Variants in LPIN2 observed in about 807,000 individuals in gnomAD.
LPIN2 encodes the protein lipin 2, also known as phosphatidate phosphatase LPIN2.
A neutral mutation model predicts 111.4 loss-of-function variants in LPIN2; 55 were observed. That is an observed-to-expected ratio of 0.49 (90% confidence interval 0.40 to 0.62). LPIN2 has a LOEUF of 0.62. Among genes scored for constraint, LPIN2 ranks in the 20% least tolerant of loss-of-function variants. LPIN2 has a pLI of 0.00. For missense variants in LPIN2, 992 were observed against 1,112.1 expected (o/e 0.89, Z 1.54); for synonymous variants, 425 against 414.0 (o/e 1.03, Z -0.32).
chr18:2,982,803 A>C lies in LPIN2; in HGVS notation c.-9-21954T>G, dbSNP rs1053107531. ...TTAACTAGCATGTCTTTTTTCAGAG[A>C]TGAAGGTATATAATCAAAACAGAAA... is the stretch of plus-strand genomic sequence containing the variant. On this transcript the variant is annotated intron_variant, in intron 1 of 19. Coordinates refer to ENST00000677752, the MANE Select transcript of LPIN2 (RefSeq NM_001375808.2). The C allele has an allele frequency of 4.1e-5, 41 of 1,008,350 alleles. No individual in the cohort carries two copies. The African/African-American group carries it at 6.3e-4, about 16-fold the overall frequency. 62.5% of individuals were successfully genotyped at this position (1,008,350 alleles called of 1,614,324 possible). A position where few individuals can be genotyped will look rare whatever the true frequency, so the allele number is the denominator to read the frequency against.
chr18:3,002,857 A>T (rs532034183), intron 1 of LPIN2, among the ~76,000 whole-genome samples: 2 of 152,326 alleles, frequency 1.3e-5, no homozygotes, highest in South Asian at 4.1e-4. Flanking sequence ...CCTGTCCCTG[A>T]TTCATAAAAC....
At chr18:2,960,174 A>ATGTG (rs59457524) in intron 2 of LPIN2, among the ~76,000 whole-genome samples, 12,366 of 136,468 alleles carry the variant, frequency 0.091, 543 homozygotes, top group East Asian at 0.11. Flanking sequence ...CGACTCAAAA[A>ATGTG]TGTGTGTGTG....
rs1028172087 is a variant in LPIN2, at chr18:2,917,849, A to G, written c.*2444T>C. The G allele has an allele frequency of 6.6e-6, 1 of 152,218 alleles. No homozygotes were observed. The highest frequency in any genetic ancestry group is 1.5e-5 in the Non-Finnish European group (1 of 68,036). 9.4% of individuals were successfully genotyped at this position (152,218 alleles called of 1,614,324 possible). On this transcript the variant is annotated 3_prime_UTR_variant, in exon 20 of 20. Coordinates refer to ENST00000677752, the MANE Select transcript of LPIN2 (RefSeq NM_001375808.2). ...GGAGTAACTGAGAGAATAATGACTT[A>G]GAGCCCAATCTGCCTGCCATCTCCC...
At chr18:3,002,733 C>T (rs916108835) in intron 1 of LPIN2, among the ~76,000 whole-genome samples, 11 of 152,176 alleles carry the variant, frequency 7.2e-5, no homozygotes, top group African/African-American at 2.4e-4. Context: ...TAAAAACAAG[C>T]TTTTAACTAA....
chr18:3,011,246 G>A (rs1418600349), intron 1 of LPIN2, among the ~76,000 whole-genome samples: 1 of 152,172 alleles, frequency 6.6e-6, no homozygotes, highest in African/African-American at 2.4e-5. Context: ...TAGTATTAAA[G>A]GGTTTTCAAA....
intron 1 of LPIN2, among the ~76,000 whole-genome samples, chr18:2,968,117 G>A (rs945823186): frequency 1.2e-4 from 18 of 152,048 alleles, no homozygotes; most frequent in Non-Finnish European, 1.5e-4. Context: ...AGTGTAGGGC[G>A]ACTGGTCAAA....
intron 5 of LPIN2, 101 bp downstream of exon 5, chr18:2,940,504 G>C: frequency 1.4e-6 from 1 of 715,278 alleles, no homozygotes; most frequent in Non-Finnish European, 2.5e-6. Context: ...CCTTGGCTGT[G>C]TGAGAGAAAT....
At chr18:2,941,208 A>G (rs1342193496) in intron 4 of LPIN2, among the ~76,000 whole-genome samples, 1 of 152,188 alleles carries the variant, frequency 6.6e-6, no homozygotes, top group East Asian at 1.9e-4. Context: ...GCTGAAGACA[A>G]ACAAGATCTA....
At position 2,920,079 on chromosome 18, in the gene LPIN2, G is replaced by A; in HGVS notation, c.*214C>T. The A allele has an allele frequency of 1.6e-6, 1 of 624,856 alleles. No individual in the cohort carries two copies. The highest frequency in any genetic ancestry group is 2.8e-6 in the Non-Finnish European group (1 of 355,402). The allele number at this position is 624,856 out of a possible 1,614,324, so 38.7% of individuals were successfully genotyped here. A position where few individuals can be genotyped will look rare whatever the true frequency, so the allele number is the denominator to read the frequency against. On this transcript the variant is annotated 3_prime_UTR_variant, in exon 20 of 20. Coordinates refer to ENST00000677752, the MANE Select transcript of LPIN2 (RefSeq NM_001375808.2). ...AGGGATCCCAGGCCTCCAGCCCCAG[G>A]CCCAGTTCCTCCCTTCTCCTTCCAG... is the stretch of plus-strand genomic sequence containing the variant.
intron 1 of LPIN2, among the ~76,000 whole-genome samples, chr18:3,012,856 G>A (rs2078630524): frequency 6.6e-6 from 1 of 151,724 alleles, no homozygotes; most frequent in African/African-American, 2.4e-5. Flanking sequence ...GGCGGCGGCG[G>A]TAGGGGCCGC....
At chr18:2,962,538 A>T (rs76012836) in intron 1 of LPIN2, among the ~76,000 whole-genome samples, 1 of 152,212 alleles carries the variant, frequency 6.6e-6, no homozygotes, top group Non-Finnish European at 1.5e-5. Flanking sequence ...ATAAAAAAAA[A>T]GTGTGGGGAG....
At chr18:2,960,887 A>C in intron 1 of LPIN2, 38 bp from the exon 2 acceptor site, 1 of 1,525,738 alleles carries the variant, frequency 6.6e-7, no homozygotes, top group African/African-American at 1.4e-5. Context: ...GTTAACACTA[A>C]ATTTGTGATC....
Position 2,968,218 on chromosome 18 carries a change from C to T in LPIN2, c.-9-7369G>A, listed in dbSNP as rs12457925. ...CTCCCAGCAAACTTCCTGAATACACCGAGTATCCAGACAGCTTTTTCATCA... is the reference window on the plus strand; with the variant it reads ...CTCCCAGCAAACTTCCTGAATACACTGAGTATCCAGACAGCTTTTTCATCA... On this transcript the variant is annotated intron_variant, in intron 1 of 19. Transcript: ENST00000677752. Among the ~76,000 whole-genome samples, 1,065 of 152,216 alleles carry T rather than the reference C, an allele frequency of 7.0e-3. 46 individuals are homozygous for T. The East Asian group carries it at 0.13, about 18-fold the overall frequency.
At chr18:2,962,489 A>T (rs940937892) in intron 1 of LPIN2, among the ~76,000 whole-genome samples, 2 of 152,230 alleles carry the variant, frequency 1.3e-5, no homozygotes, top group African/African-American at 4.8e-5. Context: ...TGAATGAACA[A>T]ATGAACTAGT....
chr18:2,946,457 T>C, intron 4 of LPIN2: 1 of 1,459,332 alleles, frequency 6.9e-7, no homozygotes, highest in Non-Finnish European at 9.6e-7. Flanking sequence ...AACGCCTGGG[T>C]GATATGTGCA....
At chr18:2,955,288 C>T (rs1370192211) in intron 2 of LPIN2, among the ~76,000 whole-genome samples, 2 of 152,146 alleles carry the variant, frequency 1.3e-5, no homozygotes, top group African/African-American at 4.8e-5. Flanking sequence ...GCGTTGGCAT[C>T]TGCTTGGTTT....
Position 2,925,443 on chromosome 18 carries a change from GA to G in LPIN2, c.1794-76del. ...ATGAGAGCTTTTCATTTAGGATCAA[GA>G]AAATAAAGATATCCTAAATCTTTTC... On this transcript the variant is annotated intron_variant, in intron 13 of 19. Coordinates refer to ENST00000677752, the MANE Select transcript of LPIN2 (RefSeq NM_001375808.2). The surrounding 1 kb of genome is among the most constrained non-coding windows in gnomAD (Gnocchi z 4.1). 6.3e-7 allele frequency: 1 copy of G among 1,581,802 alleles called. No individual in the cohort carries two copies. Among genetic ancestry groups the G allele is most frequent in the Non-Finnish European group, 8.7e-7 (1 of 1,153,058 alleles).
rs2077054808 is a variant in LPIN2 at position 2,921,568 on chromosome 18, G to C, written c.2407C>G (p.Gln803Glu). 1 of 1,614,026 alleles carries C rather than the reference G, an allele frequency of 6.2e-7. No homozygotes were observed. Among genetic ancestry groups the C allele is most frequent in the Non-Finnish European group, 8.5e-7 (1 of 1,179,990 alleles). ...TTTCCAAAGGCAGCATAGAAGGGCT[G>C]CTTAGACGGGGCAAACAGATTCTTG... ...DIKNLFAPSK[Q>E]PFYAAFGNRP... Residue 803 changes from glutamine (Q) to glutamate (E), a missense_variant, in exon 18 of 20, where the codon CAG becomes GAG. By Grantham distance (29) the Gln-to-Glu change is conservative. Around this residue, in one of 4 missense-constraint regions of LPIN2, gnomAD observed 185 missense variants for 186.5 expected, o/e 0.99. Transcript: ENST00000677752.
chr18:2,952,931 TGAGAAAAATCTGA>T (rs995570939), intron 3 of LPIN2, among the ~76,000 whole-genome samples: 2 of 152,170 alleles, frequency 1.3e-5, no homozygotes, highest in African/African-American at 4.8e-5. Flanking sequence ...TATAATTAAA[TGAGAAAAATCTGA>T]GAGAAAAAAA....
Sources: gnomAD v4.1 joint callset for allele counts (sites outside exome capture counted in the v4.1 genomes callset) on GRCh38, gnomAD v4.1.1 for gene constraint, gnomAD v4.1.1 regional missense constraint, Gnocchi (gnomAD v3.1) non-coding constraint, MANE v1.5 for transcripts, NCBI Gene and HGNC (gene_info 2026-07-23, HGNC 2026-07-21) for gene names.